Variants in ZNF804B observed in about 807,000 individuals in gnomAD.
ZNF804B encodes the protein zinc finger 804B.
Under a neutral mutation model 101.4 loss-of-function variants are expected in ZNF804B, and 80 were observed. The ratio of observed to expected loss-of-function variants is 0.79; its 90% CI spans 0.66 to 0.95. The LOEUF (loss-of-function observed/expected upper bound fraction) is 0.95, where lower values mean the gene tolerates loss of function less well. ZNF804B is among the 40% of genes least tolerant of loss of function. The pLI is 0.00. For synonymous variants in ZNF804B, 622 were observed against 558.8 expected, an observed-to-expected ratio of 1.11 and a Z score of -1.59; for missense variants, 1,673 against 1,561.9, an observed-to-expected ratio of 1.07 and a Z score of -1.20.
intron 1 of ZNF804B, among the ~76,000 whole-genome samples, chr7:89,107,392 A>G (rs1303249535): frequency 2.0e-5 from 3 of 152,108 alleles, no homozygotes; most frequent in Non-Finnish European, 4.4e-5. Flanking sequence ...TCTATAATGG[A>G]GTGGATTGTA....
intron 1 of ZNF804B, among the ~76,000 whole-genome samples, chr7:88,960,986 A>C (rs1290789105): frequency 6.6e-6 from 1 of 151,450 alleles, no homozygotes; most frequent in Non-Finnish European, 1.5e-5. Context: ...ATTAAGATTT[A>C]TTGAGGATAA....
At chr7:89,167,742 T>C (rs116754669) in intron 1 of ZNF804B, among the ~76,000 whole-genome samples, 5,003 of 152,190 alleles carry the variant, frequency 0.033, 157 homozygotes, top group South Asian at 0.081. Flanking sequence ...CAAATTATGG[T>C]AGCTATTATT....
chr7:88,922,930 T>C lies in ZNF804B; in HGVS notation c.108+162846T>C, dbSNP rs73397316. On this transcript the variant is annotated intron_variant, in intron 1 of 3. Coordinates refer to ENST00000333190, the MANE Select transcript of ZNF804B (RefSeq NM_181646.5). ...TTGGAAAAATATATTTGAGTATCAATGAAGGAAATAAAACTGTAATTTTAA... is the reference window on the plus strand; with the variant it reads ...TTGGAAAAATATATTTGAGTATCAACGAAGGAAATAAAACTGTAATTTTAA... 2.7e-3 allele frequency among the ~76,000 whole-genome samples: 408 copies of C among 152,160 alleles called. 3 individuals are homozygous for C. The highest frequency in any genetic ancestry group is 9.7e-3 in the African/African-American group (403 of 41,542).
intron 1 of ZNF804B, among the ~76,000 whole-genome samples, chr7:88,822,735 G>A (rs1791001055): frequency 6.6e-6 from 1 of 152,134 alleles, no homozygotes; most frequent in Non-Finnish European, 1.5e-5. Flanking sequence ...ATGGCCACTA[G>A]TAAATACAAA....
intron 1 of ZNF804B, among the ~76,000 whole-genome samples, chr7:88,854,414 C>CTTCCTTTCTTCCTTTCTTT (rs1791502231): frequency 1.8e-5 from 1 of 57,076 alleles, no homozygotes; most frequent in Non-Finnish European, 3.6e-5. Context: ...TTTCTTTCTT[C>CTTCCTTTCTTCCTTTCTTT]CTTTCTTTCT....
chr7:88,821,452 C>T (rs550713929), intron 1 of ZNF804B, among the ~76,000 whole-genome samples: 29 of 152,142 alleles, frequency 1.9e-4, no homozygotes, highest in African/African-American at 5.8e-4. Context: ...ATTTCCAATA[C>T]GGATATACTT....
rs1791067722 is a variant in ZNF804B, at chr7:89,335,635, A to G, written c.2653A>G (p.Lys885Glu). ...CAGCCCTCACATTTGTGATCTGGGAAAAGTCAGGCCCATGAAGTGTAACTC... is the reference window on the plus strand; with the variant it reads ...CAGCCCTCACATTTGTGATCTGGGAGAAGTCAGGCCCATGAAGTGTAACTC... ...LGSPHICDLGKVRPMKCNSGN... is the reference protein window; with the variant it reads ...LGSPHICDLGEVRPMKCNSGN... Residue 885 changes from lysine (K) to glutamate (E), a missense_variant, in exon 4 of 4, where the codon AAA (lysine) becomes GAA (glutamate). By Grantham distance (56) the Lys-to-Glu change is moderately conservative (BLOSUM62 1). Transcript: ENST00000333190. 1 of 1,614,012 alleles carries G rather than the reference A, an allele frequency of 6.2e-7. No individual in the cohort carries two copies. The highest frequency in any genetic ancestry group is 2.2e-5 in the East Asian group (1 of 44,848).
chr7:88,818,750 G>A (rs1305979398), intron 1 of ZNF804B, among the ~76,000 whole-genome samples: 1 of 152,108 alleles, frequency 6.6e-6, no homozygotes, highest in Non-Finnish European at 1.5e-5. Flanking sequence ...ATGTTAGAAG[G>A]CTGTGTGTTG....
At chr7:89,290,187 A>G (rs916768415) in intron 2 of ZNF804B, among the ~76,000 whole-genome samples, 2 of 152,154 alleles carry the variant, frequency 1.3e-5, no homozygotes, top group African/African-American at 4.8e-5. Context: ...TAAAGAGCAC[A>G]TGGGCACGGA....
At chr7:89,102,419 T>C (rs1303566843) in intron 1 of ZNF804B, among the ~76,000 whole-genome samples, 1 of 151,982 alleles carries the variant, frequency 6.6e-6, no homozygotes, top group African/African-American at 2.4e-5. Context: ...AGTATAGATG[T>C]TGCATTTCTC....
intron 1 of ZNF804B, among the ~76,000 whole-genome samples, chr7:89,168,481 C>T (rs1258851511): frequency 6.6e-6 from 1 of 152,002 alleles, no homozygotes; most frequent in Non-Finnish European, 1.5e-5. Flanking sequence ...TGTTTAAGAG[C>T]AAACTTTATA....
intron 1 of ZNF804B, among the ~76,000 whole-genome samples, chr7:89,086,228 C>A (rs1396198813): frequency 1.3e-5 from 2 of 151,826 alleles, no homozygotes; most frequent in African/African-American, 4.8e-5. Flanking sequence ...ATTTGTAAAC[C>A]TTTTAGGATC....
At chr7:89,266,557 G>A (rs1789799542) in intron 2 of ZNF804B, among the ~76,000 whole-genome samples, 1 of 152,062 alleles carries the variant, frequency 6.6e-6, no homozygotes, top group African/African-American at 2.4e-5. Flanking sequence ...AACCAAAGTG[G>A]CAAGTACAGT....
At chr7:89,174,974 A>T (rs1053206565) in intron 1 of ZNF804B, among the ~76,000 whole-genome samples, 1 of 151,958 alleles carries the variant, frequency 6.6e-6, no homozygotes, top group African/African-American at 2.4e-5. Flanking sequence ...TGAGCTCCTT[A>T]TATATTCTAC....
At chr7:89,066,639 T>G (rs1011360749) in intron 1 of ZNF804B, among the ~76,000 whole-genome samples, 2 of 152,158 alleles carry the variant, frequency 1.3e-5, no homozygotes, top group African/African-American at 4.8e-5. Context: ...TTACCAAATA[T>G]TTGTCATCTG....
intron 1 of ZNF804B, among the ~76,000 whole-genome samples, chr7:88,905,211 G>T (rs1047790724): frequency 2.6e-5 from 4 of 152,062 alleles, no homozygotes; most frequent in African/African-American, 9.7e-5. Context: ...ATAATCATAA[G>T]GTTTTTGCTT....
intron 1 of ZNF804B, among the ~76,000 whole-genome samples, chr7:89,027,584 T>C (rs1199884882): frequency 6.6e-6 from 1 of 152,154 alleles, no homozygotes; most frequent in Non-Finnish European, 1.5e-5. Context: ...GTGGCCAAAA[T>C]AGAGAATATT....
intron 1 of ZNF804B, among the ~76,000 whole-genome samples, chr7:89,025,087 AC>A (rs1484647606): frequency 6.6e-6 from 1 of 152,116 alleles, no homozygotes; most frequent in Non-Finnish European, 1.5e-5. Context: ...TTCAAAGCTT[AC>A]TATACATTTA....
intron 1 of ZNF804B, among the ~76,000 whole-genome samples, chr7:88,859,007 T>A (rs1246727377): frequency 6.6e-6 from 1 of 152,104 alleles, no homozygotes; most frequent in Non-Finnish European, 1.5e-5. Flanking sequence ...GATATATAAA[T>A]GAACACCATT....
Sources: allele counts gnomAD v4.1 joint callset (sites outside exome capture counted in the v4.1 genomes callset), GRCh38; gene constraint gnomAD v4.1.1; transcripts MANE v1.5; gene names NCBI Gene and HGNC (gene_info 2026-07-23, HGNC 2026-07-21).